The following CSNK1E variants were observed in gnomAD, a reference collection of about 807,000 sequenced individuals.
The protein encoded by CSNK1E is casein kinase 1 epsilon, also known as casein kinase I isoform epsilon.
A neutral mutation model predicts 46.1 loss-of-function variants in CSNK1E; 17 were observed. That is an observed-to-expected ratio of 0.37 (90% CI 0.25 to 0.55). The LOEUF (loss-of-function observed/expected upper bound fraction) is 0.55. CSNK1E is among the 20% of genes least tolerant of loss of function. CSNK1E has a pLI of 0.82. For synonymous variants in CSNK1E, 241 were observed against 242.6 expected (o/e 0.99, Z 0.06); for missense variants, 386 against 595.4 (o/e 0.65, Z 3.66).
rs758308885 is a variant in CSNK1E at position 38,300,835 on chromosome 22, G to A, written c.454C>T (p.Leu152=). ...CGGGCGTCCCGGTACTTCTTGGCCA[G>A]GCCGAAGTCGATGATGTAGACCAGG... ...GNLVYIIDFG[L]AKKYRDARTH... Residue 152 remains leucine, a synonymous_variant, in exon 5 of 11, where the codon CTG becomes TTG. Coordinates refer to ENST00000396832, the MANE Select transcript of CSNK1E (RefSeq NM_152221.3). This position sits in a 1 kb window ranked among gnomAD's most constrained non-coding sequence, Gnocchi z 4.4. 2 of 1,614,278 alleles carry A rather than the reference G, an allele frequency of 1.2e-6. No homozygotes were observed. Among genetic ancestry groups the A allele is most frequent in the Admixed American group, 1.7e-5 (1 of 60,034 alleles).
chr22:38,299,827 G>C (rs2092661412), intron 6 of CSNK1E, 68 bp downstream of exon 6: 2 of 1,555,360 alleles, frequency 1.3e-6, no homozygotes, highest in Non-Finnish European at 1.8e-6. Context: ...GCTTTGTATG[G>C]CCTCACCTTT....
rs763067311 is a variant in CSNK1E at position 38,314,072 on chromosome 22, G to T, written c.76+10C>A. On this transcript the variant is annotated intron_variant, in intron 2 of 10. Coordinates refer to ENST00000396832, the MANE Select transcript of CSNK1E (RefSeq NM_152221.3). Reference sequence around the variant, plus strand: ...CCCCAGGGGCTCCAGCTGGAGCTAGGAACACTTACCCAGGTAGATATCTCC... The same window carrying T: ...CCCCAGGGGCTCCAGCTGGAGCTAGTAACACTTACCCAGGTAGATATCTCC... 1.2e-6 allele frequency: 2 copies of T among 1,613,270 alleles called. No individual in the cohort carries two copies. Among genetic ancestry groups the T allele is most frequent in the South Asian group, 2.2e-5 (2 of 91,066 alleles).
Position 38,298,027 on chromosome 22 carries a change from C to A in CSNK1E, c.885+759G>T. ...AAAGGGACAAAAAGCACAGCTGAGG[C>A]TCAGCCTCTTGCGCTCACTGGTCAA... On this transcript the variant is annotated intron_variant, in intron 7 of 10. Transcript: ENST00000396832. The surrounding 1 kb of genome is among the most constrained non-coding windows in gnomAD (Gnocchi z 4.2). The A allele has an allele frequency of 8.6e-7, 1 of 1,156,824 alleles. No homozygotes were observed. Among genetic ancestry groups the A allele is most frequent in the Non-Finnish European group, 1.1e-6 (1 of 915,760 alleles). The allele number at this position is 1,156,824 out of a possible 1,614,324, so 71.7% of individuals were successfully genotyped here.
rs200714722 is a variant in CSNK1E at position 38,294,347 on chromosome 22, G to A, written c.1073C>T (p.Pro358Leu). The part of the protein sequence containing the change: ...VASTPASRIQ[P>L]AGNTSPRAIS... Reference sequence around the variant, plus strand: ...CTGCCTGAGTCCCTGCTCACCAGCCGGCTGGATGCGGGAGGCTGGCGTGGA... The same window carrying A: ...CTGCCTGAGTCCCTGCTCACCAGCCAGCTGGATGCGGGAGGCTGGCGTGGA... Residue 358 changes from proline to leucine, a missense_variant, in exon 8 of 11, where the codon CCG becomes CTG. Transcript: ENST00000396832. This position sits in a 1 kb window ranked among gnomAD's most constrained non-coding sequence, Gnocchi z 5.5. 1.4e-4 allele frequency: 211 copies of A among 1,560,306 alleles called. No homozygotes were observed. The highest frequency in any genetic ancestry group is 1.7e-4 in the Non-Finnish European group (193 of 1,156,124).
chr22:38,312,161 T>C (rs2092723882), intron 2 of CSNK1E, among the ~76,000 whole-genome samples: 1 of 152,154 alleles, frequency 6.6e-6, no homozygotes, highest in Non-Finnish European at 1.5e-5. Context: ...TGATCTCAGC[T>C]CACTGTAGCC....
rs761982329 is a variant in CSNK1E, at chr22:38,310,160, C to T, written c.76+3922G>A. On this transcript the variant is annotated intron_variant, in intron 2 of 10. Coordinates refer to ENST00000396832, the MANE Select transcript of CSNK1E (RefSeq NM_152221.3). ...TCCTGGCAGAGGCTGTGTCTGGGAG[C>T]CGGCTGAGCATAGATGCAGGGGTGC... Among the ~76,000 whole-genome samples the T allele has an allele frequency of 4.0e-4, 61 of 152,164 alleles. 1 individual carries two copies. Among genetic ancestry groups the T allele is most frequent in the Non-Finnish European group, 1.8e-4 (12 of 68,044 alleles).
chr22:38,314,031 T>G, intron 2 of CSNK1E, 51 bp downstream of exon 2: 1 of 1,514,634 alleles, frequency 6.6e-7, no homozygotes, highest in Non-Finnish European at 9.2e-7. Context: ...TTCCTCCTCT[T>G]GGTCCCATGG....
At chr22:38,297,563 G>C (rs1161294678) in intron 7 of CSNK1E, 2 of 1,004,494 alleles carry the variant, frequency 2.0e-6, no homozygotes, top group East Asian at 1.0e-4. Flanking sequence ...CATCTAGCAG[G>C]GTGGCTGAGG....
chr22:38,303,012 G>A lies in CSNK1E; in HGVS notation c.188-3C>T. The A allele has an allele frequency of 6.2e-7, 1 of 1,612,936 alleles. No individual in the cohort carries two copies. Among genetic ancestry groups the A allele is most frequent in the Non-Finnish European group, 8.5e-7 (1 of 1,179,774 alleles). On this transcript the variant is annotated splice_polypyrimidine_tract_variant and splice_region_variant and intron_variant, in intron 3 of 10. Coordinates refer to ENST00000396832, the MANE Select transcript of CSNK1E (RefSeq NM_152221.3). This position sits in a 1 kb window ranked among gnomAD's most constrained non-coding sequence, Gnocchi z 4.7. ...CCACTTGATGGACGGGATCCCCACT[G>A]GGGGTCAAGCAGAGGGCCTCTGTCA...
intron 2 of CSNK1E, among the ~76,000 whole-genome samples, chr22:38,312,865 G>A (rs972150863): frequency 5.9e-5 from 9 of 152,104 alleles, no homozygotes; most frequent in African/African-American, 1.4e-4. Context: ...CGTCTCCCTC[G>A]GCATGTTCTG....
intron 2 of CSNK1E, among the ~76,000 whole-genome samples, chr22:38,306,778 C>T (rs915033165): frequency 1.1e-4 from 16 of 152,032 alleles, no homozygotes; most frequent in Admixed American, 7.9e-4. Flanking sequence ...ATCTTCTTAT[C>T]AGCTGATACC....
intron 2 of CSNK1E, among the ~76,000 whole-genome samples, chr22:38,304,803 C>G (rs771802468): frequency 1.3e-5 from 2 of 152,152 alleles, no homozygotes; most frequent in Non-Finnish European, 2.9e-5. Context: ...TACCGATACA[C>G]GCTACGACAC....
intron 2 of CSNK1E, among the ~76,000 whole-genome samples, chr22:38,313,649 C>T (rs1188261301): frequency 6.6e-6 from 1 of 152,198 alleles, no homozygotes; most frequent in East Asian, 1.9e-4. Flanking sequence ...CAAAGCCTGC[C>T]TGGGCTGGGT....
chr22:38,294,157 G>A lies in CSNK1E; in HGVS notation c.1170C>T (p.Ser390=), dbSNP rs760403188. ...CCTCTTGCCGCCCAGTGAGGTCTGA[G>A]GAGGAGACGTTGGCGGGCGCACCCC... ...LHRGAPANVS[S]SDLTGRQEVS... is the part of the protein sequence containing the mutation. The change falls in exon 9 of 11, where the codon TCC becomes TCT. Residue 390 remains serine, a synonymous_variant. Coordinates refer to ENST00000396832, the MANE Select transcript of CSNK1E (RefSeq NM_152221.3). This position sits in a 1 kb window ranked among gnomAD's most constrained non-coding sequence, Gnocchi z 5.5. The A allele has an allele frequency of 3.7e-6, 6 of 1,612,056 alleles. No homozygotes were observed. In the East Asian group the frequency reaches 1.3e-4, roughly 36 times the overall value.
chr22:38,295,749 CAG>C (rs532859712), intron 7 of CSNK1E, among the ~76,000 whole-genome samples: 46 of 152,350 alleles, frequency 3.0e-4, no homozygotes, highest in Admixed American at 8.5e-4. Context: ...GGTCACTGTT[CAG>C]AGTCTTGCCT....
intron 7 of CSNK1E, chr22:38,297,802 T>G: frequency 9.9e-7 from 1 of 1,007,222 alleles, no homozygotes; most frequent in Non-Finnish European, 1.2e-6. Context: ...CTGCCATCTC[T>G]TGGGAACAGG....
intron 2 of CSNK1E, among the ~76,000 whole-genome samples, chr22:38,304,618 G>A (rs1015243117): frequency 2.0e-5 from 3 of 152,186 alleles, no homozygotes; most frequent in Non-Finnish European, 4.4e-5. Context: ...GGGAATCCCA[G>A]GCGGCAGTGA....
Position 38,303,157 on chromosome 22 carries a change from G to A in CSNK1E, c.168C>T (p.Tyr56=), listed in dbSNP as rs2092682483. 1 of 1,608,488 alleles carries A rather than the reference G, an allele frequency of 6.2e-7. No individual in the cohort carries two copies. Among genetic ancestry groups the A allele is most frequent in the African/African-American group, 1.3e-5 (1 of 74,964 alleles). ...GCTCACCGCCACCCTGCATCATCTTGTAGAACTTGCTCTCGATGTGCAGCT... is the reference window on the plus strand; with the variant it reads ...GCTCACCGCCACCCTGCATCATCTTATAGAACTTGCTCTCGATGTGCAGCT... ...HPQLHIESKF[Y]KMMQGGVGIP... The change falls in exon 3 of 11, where the codon TAC becomes TAT. Residue 56 remains tyrosine, a synonymous_variant. Transcript: ENST00000396832. This position sits in a 1 kb window ranked among gnomAD's most constrained non-coding sequence, Gnocchi z 4.7.
rs376452430 is a variant in CSNK1E, at chr22:38,312,708, T to G, written c.76+1374A>C. The stretch of plus-strand genomic sequence containing the variant: ...AGTTTACAAAATACTTTCCCATCTG[T>G]CATTTCATCTCTGCCTTGGAACAGT... On this transcript the variant is annotated intron_variant, in intron 2 of 10. Coordinates refer to ENST00000396832, the MANE Select transcript of CSNK1E (RefSeq NM_152221.3). Among the ~76,000 whole-genome samples, 28 of 152,334 alleles carry G rather than the reference T, an allele frequency of 1.8e-4. 1 individual carries two copies. In the East Asian group the frequency reaches 3.1e-3, roughly 17 times the overall value.
Sources: allele counts gnomAD v4.1 joint callset (sites outside exome capture counted in the v4.1 genomes callset), GRCh38; gene constraint gnomAD v4.1.1; non-coding constraint Gnocchi (gnomAD v3.1); transcripts MANE v1.5; gene names NCBI Gene and HGNC (gene_info 2026-07-23, HGNC 2026-07-21).